The following PLD5 variants were observed in gnomAD, a reference collection of about 807,000 sequenced individuals.
PLD5 encodes phospholipase D family member 5.
PLD5 carries 36 observed loss-of-function variants against 61.1 expected under a neutral mutation model. The observed-to-expected ratio is 0.59, with a 90% CI of 0.45 to 0.78. The LOEUF is 0.78. Among genes scored for constraint, PLD5 ranks in the 30% least tolerant of loss-of-function variants. The pLI is 0.00. For synonymous variants in PLD5, 243 were observed against 242.8 expected, an observed-to-expected ratio of 1.00 and a Z score of -0.01; for missense variants, 515 against 644.4, an observed-to-expected ratio of 0.80 and a Z score of 2.17.
rs561033158 is a variant in PLD5, at chr1:242,301,217, T to C, written c.327-12687A>G. On this transcript the variant is annotated intron_variant, in intron 2 of 9. Transcript: ENST00000536534. ...GCTGTGCCTGGGTGATAAGCCTACC[T>C]AGTTCTGGGGTTCAGTGAGGAAGAT... 1.0e-3 allele frequency among the ~76,000 whole-genome samples: 157 copies of C among 152,208 alleles called. 5 individuals carry two copies. The East Asian group carries it at 0.028, about 27-fold the overall frequency.
At position 242,157,602 on chromosome 1, in the gene PLD5, G is replaced by T. The variant is rs1665488261; in HGVS notation, c.736-32937C>A. ...CTTCTAACAGGCCCCTCTGCTGCAG[G>T]TCTGCTGGAGTTTGCTGGAGGTCCA... On this transcript the variant is annotated intron_variant, in intron 5 of 9. Coordinates refer to ENST00000536534, the MANE Select transcript of PLD5 (RefSeq NM_001372062.1). Among the ~76,000 whole-genome samples the T allele has an allele frequency of 2.0e-5, 3 of 152,170 alleles. No individual in the cohort carries two copies. The South Asian group carries it at 6.2e-4, about 31-fold the overall frequency.
chr1:242,127,198 G>A lies in PLD5; in HGVS notation c.736-2533C>T, dbSNP rs147045659. 5.7e-3 allele frequency among the ~76,000 whole-genome samples: 869 copies of A among 152,328 alleles called. 2 individuals are homozygous for A. Among genetic ancestry groups the A allele is most frequent in the Middle Eastern group, 0.024 (7 of 294 alleles). ...GATGAACAGGGAACGCTTCTACACCGCTGGAGGGAATGTAAACTAGTACAA... is the reference window on the plus strand; with the variant it reads ...GATGAACAGGGAACGCTTCTACACCACTGGAGGGAATGTAAACTAGTACAA... On this transcript the variant is annotated intron_variant, in intron 5 of 9. Transcript: ENST00000536534.
At chr1:242,402,786 G>T (rs910479275) in intron 1 of PLD5, among the ~76,000 whole-genome samples, 1 of 152,192 alleles carries the variant, frequency 6.6e-6, no homozygotes, top group Non-Finnish European at 1.5e-5. Context: ...GGTAAGCAGT[G>T]AATAGAAGAC....
chr1:242,458,214 A>G (rs1209440898), intron 1 of PLD5, among the ~76,000 whole-genome samples: 1 of 152,158 alleles, frequency 6.6e-6, no homozygotes, highest in Non-Finnish European at 1.5e-5. Flanking sequence ...TGTCCTCTCA[A>G]CTTGTCTTCA....
intron 3 of PLD5, among the ~76,000 whole-genome samples, chr1:242,276,988 G>A (rs1325054707): frequency 6.6e-6 from 1 of 152,070 alleles, no homozygotes; most frequent in East Asian, 1.9e-4. Context: ...CCAATCACGG[G>A]CCAGGAAATA....
In PLD5 at chr1:242,325,366, T is replaced by C. The variant is rs1344732107; in HGVS notation, c.326+22740A>G. Among the ~76,000 whole-genome samples the C allele has an allele frequency of 4.1e-3, 585 of 141,914 alleles. 2 individuals are homozygous for C. Among genetic ancestry groups the C allele is most frequent in the Non-Finnish European group, 6.7e-3 (449 of 66,552 alleles). 93.1% of individuals were successfully genotyped at this position (141,914 alleles called of 152,430 possible). On this transcript the variant is annotated intron_variant, in intron 2 of 9. Transcript: ENST00000536534. ...TTAAGCCTGCATGGCGAGATATATATATATATAGGGAGAGAGAGGGAGAGA... is the reference window on the plus strand; with the variant it reads ...TTAAGCCTGCATGGCGAGATATATACATATATAGGGAGAGAGAGGGAGAGA...
intron 1 of PLD5, among the ~76,000 whole-genome samples, chr1:242,370,378 C>G (rs1187966089): frequency 6.6e-6 from 1 of 152,156 alleles, no homozygotes; most frequent in Non-Finnish European, 1.5e-5. Context: ...TGGCCTCACT[C>G]TTAAGAGAGT....
intron 7 of PLD5, among the ~76,000 whole-genome samples, chr1:242,108,898 G>A (rs999815845): frequency 6.6e-5 from 10 of 152,016 alleles, no homozygotes; most frequent in Admixed American, 1.3e-4. Flanking sequence ...CAATCTGCCC[G>A]GTCCATCAGC....
intron 4 of PLD5, among the ~76,000 whole-genome samples, chr1:242,223,313 G>A (rs1670721880): frequency 6.6e-6 from 1 of 152,136 alleles, no homozygotes; most frequent in South Asian, 2.1e-4. Flanking sequence ...TAAATTTGGG[G>A]GTACACAAAC....
Position 242,271,781 on chromosome 1 carries a change from G to A in PLD5, c.496-6333C>T, listed in dbSNP as rs1043480477. 2.6e-5 allele frequency among the ~76,000 whole-genome samples: 4 copies of A among 151,980 alleles called. No homozygotes were observed. The South Asian group carries it at 6.2e-4, about 24-fold the overall frequency. ...ACCATCAAAGAAGATGAGGGGAGAA[G>A]AAATAAGTGAGGAACAATACGATAT... On this transcript the variant is annotated intron_variant, in intron 3 of 9. Coordinates refer to ENST00000536534, the MANE Select transcript of PLD5 (RefSeq NM_001372062.1).
intron 2 of PLD5, among the ~76,000 whole-genome samples, chr1:242,330,653 T>C (rs1009566790): frequency 6.6e-6 from 1 of 152,142 alleles, no homozygotes; most frequent in African/African-American, 2.4e-5. Flanking sequence ...CTTTATTAAA[T>C]ATTGACAGAT....
chr1:242,470,788 C>T (rs959409947), intron 1 of PLD5, among the ~76,000 whole-genome samples: 1 of 152,190 alleles, frequency 6.6e-6, no homozygotes, highest in Non-Finnish European at 1.5e-5. Flanking sequence ...ATTTACCCAA[C>T]GAGTAAAAAC....
At chr1:242,180,051 GTTTA>G (rs1422150200) in intron 5 of PLD5, among the ~76,000 whole-genome samples, 13 of 152,076 alleles carry the variant, frequency 8.5e-5, no homozygotes, top group African/African-American at 2.7e-4. Flanking sequence ...TTTGCTTTTA[GTTTA>G]TTTAAACATA....
chr1:242,334,519 C>T (rs1351010751), intron 2 of PLD5, among the ~76,000 whole-genome samples: 2 of 152,152 alleles, frequency 1.3e-5, no homozygotes, highest in African/African-American at 4.8e-5. Flanking sequence ...GCGTGTTGGA[C>T]AACGTAGCAG....
At chr1:242,366,998 T>C (rs2149242779) in intron 1 of PLD5, among the ~76,000 whole-genome samples, 1 of 152,090 alleles carries the variant, frequency 6.6e-6, no homozygotes, top group East Asian at 1.9e-4. Context: ...TGAGCCCATA[T>C]TAGCATACAA....
intron 1 of PLD5, among the ~76,000 whole-genome samples, chr1:242,513,805 T>G (rs1669013235): frequency 6.6e-6 from 1 of 152,256 alleles, no homozygotes; most frequent in Admixed American, 6.5e-5. Flanking sequence ...GTGTCCATCA[T>G]GCCAATCACA....
intron 2 of PLD5, among the ~76,000 whole-genome samples, chr1:242,318,640 TG>T (rs201954967): frequency 0.11 from 16,260 of 151,784 alleles, 1,222 homozygotes; most frequent in East Asian, 0.32. Context: ...TATAACTTTT[TG>T]GGGCTTTTGA....
At chr1:242,362,066 AC>A (rs1414013501) in intron 1 of PLD5, among the ~76,000 whole-genome samples, 24 of 152,142 alleles carry the variant, frequency 1.6e-4, no homozygotes, top group African/African-American at 5.5e-4. Flanking sequence ...AGATAAATGT[AC>A]AAAAATTATC....
intron 4 of PLD5, among the ~76,000 whole-genome samples, chr1:242,221,222 A>T (rs994291437): frequency 6.6e-6 from 1 of 152,224 alleles, no homozygotes; most frequent in Admixed American, 6.5e-5. Context: ...CAAACCTCTC[A>T]AAAGGAGCAT....
Sources: gnomAD v4.1 joint callset for allele counts (sites outside exome capture counted in the v4.1 genomes callset) on GRCh38, gnomAD v4.1.1 for gene constraint, MANE v1.5 for transcripts, NCBI Gene and HGNC (gene_info 2026-07-23, HGNC 2026-07-21) for gene names.